MAN1C1: variants seen among roughly 807,000 people sequenced by gnomAD.
MAN1C1 encodes the protein mannosyl-oligosaccharide 1,2-alpha-mannosidase IC.
Under a neutral mutation model 71.5 loss-of-function variants are expected in MAN1C1, and 49 were observed. The observed-to-expected ratio is 0.69, with a 90% confidence interval of 0.54 to 0.87. The LOEUF is 0.87. MAN1C1 is among the 40% of genes least tolerant of loss of function. The probability of loss-of-function intolerance (pLI) is 0.00; values close to 1 mark genes in which losing one functional copy is unlikely to be tolerated. For synonymous variants in MAN1C1, 352 were observed against 343.7 expected, an observed-to-expected ratio of 1.02 and a Z score of -0.27; for missense variants, 743 against 835.0, an observed-to-expected ratio of 0.89 and a Z score of 1.36.
At chr1:25,771,401 G>A (rs1204393422) in intron 7 of MAN1C1, among the ~76,000 whole-genome samples, 1 of 152,250 alleles carries the variant, frequency 6.6e-6, no homozygotes, top group Non-Finnish European at 1.5e-5. Flanking sequence ...AAGGCGAGGT[G>A]ATTTATAGCA....
chr1:25,653,809 C>T (rs138171613), intron 1 of MAN1C1, among the ~76,000 whole-genome samples: 142 of 152,312 alleles, frequency 9.3e-4, no homozygotes, highest in Non-Finnish European at 1.7e-3. Flanking sequence ...GGGCGGGGAG[C>T]AGCACGCTTC....
chr1:25,649,976 T>A (rs965933438), intron 1 of MAN1C1, among the ~76,000 whole-genome samples: 1 of 152,132 alleles, frequency 6.6e-6, no homozygotes, highest in Non-Finnish European at 1.5e-5. Flanking sequence ...TCTAGGATGC[T>A]CCATCTTGTC....
chr1:25,767,226 C>T (rs1225576692), intron 7 of MAN1C1, among the ~76,000 whole-genome samples: 1 of 135,832 alleles, frequency 7.4e-6, no homozygotes, highest in African/African-American at 2.8e-5. Context: ...CCCATACACA[C>T]ACACCCACAC....
intron 1 of MAN1C1, among the ~76,000 whole-genome samples, chr1:25,661,596 G>A (rs1390859218): frequency 6.6e-6 from 1 of 152,176 alleles, no homozygotes; most frequent in Non-Finnish European, 1.5e-5. Flanking sequence ...CAGGGTCTGA[G>A]CAGAGATGTG....
chr1:25,638,693 G>A (rs937503675), intron 1 of MAN1C1, among the ~76,000 whole-genome samples: 14 of 152,204 alleles, frequency 9.2e-5, no homozygotes, highest in Non-Finnish European at 1.5e-4. Flanking sequence ...TTACGCCAAA[G>A]ATGTCATTCC....
Position 25,625,853 on chromosome 1 carries a change from G to A in MAN1C1, c.540+7516G>A, listed in dbSNP as rs111231936. 3.0e-3 allele frequency among the ~76,000 whole-genome samples: 454 copies of A among 152,268 alleles called. 4 individuals are homozygous for A. Among genetic ancestry groups the A allele is most frequent in the African/African-American group, 0.011 (437 of 41,562 alleles). ...AAAAAAGTACAAAATAAGTGGAATA[G>A]TACAGTCCATGCCCTGTGGACAAGG... On this transcript the variant is annotated intron_variant, in intron 1 of 11. Coordinates refer to ENST00000374332, the MANE Select transcript of MAN1C1 (RefSeq NM_020379.4).
chr1:25,746,720 G>T lies in MAN1C1; in HGVS notation c.690G>T (p.Met230Ile). Residue 230 changes from methionine to isoleucine, a missense_variant, in exon 3 of 12, where the codon ATG becomes ATT. Physicochemically the swap from Met to Ile is conservative, Grantham distance 10 (BLOSUM62 1). Coordinates refer to ENST00000374332, the MANE Select transcript of MAN1C1 (RefSeq NM_020379.4). The surrounding 1 kb of genome is among the most constrained non-coding windows in gnomAD (Gnocchi z 4.0). ...VIDSLDTLYL[M>I]ELKEEFQEAK... is the part of the protein sequence containing the mutation. The stretch of plus-strand genomic sequence containing the variant: ...ACTCCCTCGATACCCTCTACCTCAT[G>T]GAGCTGAAGGAGGAGTTCCAGGAGG... 6.2e-7 allele frequency: 1 copy of T among 1,614,024 alleles called. No homozygotes were observed. The highest frequency in any genetic ancestry group is 8.5e-7 in the Non-Finnish European group (1 of 1,179,972).
At position 25,697,198 on chromosome 1, in the gene MAN1C1, C is replaced by G. The variant is rs529555722; in HGVS notation, c.637+10662C>G. Among the ~76,000 whole-genome samples, 7 of 152,282 alleles carry G rather than the reference C, an allele frequency of 4.6e-5. No individual in the cohort carries two copies. In the South Asian group the frequency reaches 6.2e-4, roughly 14 times the overall value. On this transcript the variant is annotated intron_variant, in intron 2 of 11. Coordinates refer to ENST00000374332, the MANE Select transcript of MAN1C1 (RefSeq NM_020379.4). ...TCCTCATTTCTCATCCTCTTTCCCC[C>G]CTTCCCCAGCCCTAGGCAACCACTA...
chr1:25,742,805 A>T (rs951205352), intron 2 of MAN1C1, among the ~76,000 whole-genome samples: 1 of 152,168 alleles, frequency 6.6e-6, no homozygotes, highest in African/African-American at 2.4e-5. Context: ...CCTCTTAGCT[A>T]TGTGTGAGGT....
At position 25,783,671 on chromosome 1, in the gene MAN1C1, A is replaced by G. The variant is rs1185217303; in HGVS notation, c.1775A>G (p.Tyr592Cys). ...FFLAETLKYL[Y>C]LLFSEDDLLS... ...CCCTGCGTGGGGCACAGGTATCTCT[A>G]TCTTCTGTTCTCTGAAGATGACTTG... The change falls in exon 12 of 12, where the codon TAT (tyrosine) becomes TGT (cysteine). Residue 592 changes from tyrosine to cysteine, a missense_variant. Tyr to Cys is a radical substitution (Grantham distance 194). Coordinates refer to ENST00000374332, the MANE Select transcript of MAN1C1 (RefSeq NM_020379.4). 5.0e-6 allele frequency: 8 copies of G among 1,612,142 alleles called. No homozygotes were observed. Among genetic ancestry groups the G allele is most frequent in the African/African-American group, 2.7e-5 (2 of 74,862 alleles).
At chr1:25,763,735 G>C in intron 6 of MAN1C1, 139 bp from the exon 7 acceptor site, 1 of 699,082 alleles carries the variant, frequency 1.4e-6, no homozygotes, top group South Asian at 1.7e-5. Context: ...CCTGCAGTCC[G>C]TTGGGCAGCT....
At position 25,746,849 on chromosome 1, in the gene MAN1C1, C is replaced by T. The variant is rs2047136493; in HGVS notation, c.753+66C>T. The T allele has an allele frequency of 7.4e-6, 8 of 1,086,390 alleles. No homozygotes were observed. The South Asian group carries it at 8.7e-5, about 12-fold the overall frequency. The allele number at this position is 1,086,390 out of a possible 1,614,324, so 67.3% of individuals were successfully genotyped here. ...AGAAGAGGCCCAACAGCCAGCTTCA[C>T]CCTGTCATCTCTGAGACCCAGAGAT... On this transcript the variant is annotated intron_variant, in intron 3 of 11. Coordinates refer to ENST00000374332, the MANE Select transcript of MAN1C1 (RefSeq NM_020379.4). This position sits in a 1 kb window ranked among gnomAD's most constrained non-coding sequence, Gnocchi z 4.0.
In MAN1C1 at chr1:25,776,349, A is replaced by C. The variant is rs566651340; in HGVS notation, c.1258-1756A>C. Among the ~76,000 whole-genome samples the C allele has an allele frequency of 3.4e-3, 518 of 152,186 alleles. 3 individuals are homozygous for C. Among genetic ancestry groups the C allele is most frequent in the Non-Finnish European group, 3.0e-3 (201 of 68,010 alleles). ...GTGGATCCCCTGAGGTCAGGAGTTC[A>C]AGACCAGCCTGGCCAACATGGTGAA... On this transcript the variant is annotated intron_variant, in intron 8 of 11. Coordinates refer to ENST00000374332, the MANE Select transcript of MAN1C1 (RefSeq NM_020379.4). This position sits in a 1 kb window ranked among gnomAD's most constrained non-coding sequence, Gnocchi z 4.3.
chr1:25,784,084 C>G lies in MAN1C1; in HGVS notation c.*295C>G, dbSNP rs1335364618. 5 of 291,188 alleles carry G rather than the reference C, an allele frequency of 1.7e-5. No individual in the cohort carries two copies. Among genetic ancestry groups the G allele is most frequent in the Non-Finnish European group, 3.2e-5 (5 of 156,150 alleles). 18.0% of individuals were successfully genotyped at this position (291,188 alleles called of 1,614,324 possible). A position where few individuals can be genotyped will look rare whatever the true frequency, so the allele number is the denominator to read the frequency against. On this transcript the variant is annotated 3_prime_UTR_variant, in exon 12 of 12. Transcript: ENST00000374332. ...GGACCGGAGGTTTGCATATCCGCCCCTTGTATTTGATTTGCTTCCTTTTGG... is the reference window on the plus strand; with the variant it reads ...GGACCGGAGGTTTGCATATCCGCCCGTTGTATTTGATTTGCTTCCTTTTGG...
At position 25,764,180 on chromosome 1, in the gene MAN1C1, T is replaced by C. The variant is rs1472942382; in HGVS notation, c.1141+213T>C. On this transcript the variant is annotated intron_variant, in intron 7 of 11. Transcript: ENST00000374332. The surrounding 1 kb of genome is among the most constrained non-coding windows in gnomAD (Gnocchi z 4.4). The stretch of plus-strand genomic sequence containing the variant: ...TCTGCTGCTGCAGTGCCGGATGTGA[T>C]GGCTGCTGTTTACTGAAGGCCTGCC... 6.6e-6 allele frequency among the ~76,000 whole-genome samples: 1 copy of C among 152,180 alleles called. No individual in the cohort carries two copies. The highest frequency in any genetic ancestry group is 1.9e-4 in the East Asian group (1 of 5,188).
At chr1:25,714,703 G>A (rs898200554) in intron 2 of MAN1C1, among the ~76,000 whole-genome samples, 1 of 152,178 alleles carries the variant, frequency 6.6e-6, no homozygotes, top group Non-Finnish European at 1.5e-5. Context: ...TGCTGATAAT[G>A]TGAGATTGGT....
chr1:25,648,906 TGAAAA>T (rs1405642476), intron 1 of MAN1C1, among the ~76,000 whole-genome samples: 1 of 152,180 alleles, frequency 6.6e-6, no homozygotes, highest in Non-Finnish European at 1.5e-5. Flanking sequence ...AAGTTTTCTT[TGAAAA>T]GAAAAGCAGA....
intron 2 of MAN1C1, among the ~76,000 whole-genome samples, chr1:25,693,014 A>C (rs1401559727): frequency 1.3e-5 from 2 of 152,208 alleles, no homozygotes; most frequent in East Asian, 3.8e-4. Flanking sequence ...AACCCCCTGC[A>C]CAGTTGAAAA....
intron 7 of MAN1C1, 75 bp from the exon 8 acceptor site, chr1:25,771,582 C>T (rs2047551979): frequency 1.3e-5 from 15 of 1,113,132 alleles, no homozygotes; most frequent in African/African-American, 1.5e-5. Context: ...TGAGGTCAGG[C>T]GGGTGTGCGA....
Sources: gnomAD v4.1 joint callset for allele counts (sites outside exome capture counted in the v4.1 genomes callset) on GRCh38, gnomAD v4.1.1 for gene constraint, Gnocchi (gnomAD v3.1) non-coding constraint, MANE v1.5 for transcripts, NCBI Gene and HGNC (gene_info 2026-07-23, HGNC 2026-07-21) for gene names.